RAB5A: variants seen among roughly 807,000 people sequenced by gnomAD.
RAB5A encodes the protein ras-related protein Rab-5A.
Under a neutral mutation model 25.7 loss-of-function variants are expected in RAB5A, and 8 were observed. The ratio of observed to expected loss-of-function variants is 0.31; its 90% CI spans 0.18 to 0.56. The LOEUF (loss-of-function observed/expected upper bound fraction) is 0.56, where lower values mean the gene tolerates loss of function less well. Among genes scored for constraint, RAB5A ranks in the 20% least tolerant of loss-of-function variants. The probability of loss-of-function intolerance (pLI) is 0.91; values close to 1 mark genes in which losing one functional copy is unlikely to be tolerated. For missense variants in RAB5A, 192 were observed against 259.7 expected (o/e 0.74, Z 1.79); for synonymous variants, 98 against 89.8 (o/e 1.09, Z -0.52).
At chr3:19,972,160 A>T (rs181583030) in intron 2 of RAB5A, among the ~76,000 whole-genome samples, 42 of 152,280 alleles carry the variant, frequency 2.8e-4, no homozygotes, top group Non-Finnish European at 5.6e-4. Context: ...ACTTGGTTTA[A>T]TGCACAAAAT....
chr3:19,965,490 G>A (rs1356315665), intron 2 of RAB5A, among the ~76,000 whole-genome samples: 3 of 151,896 alleles, frequency 2.0e-5, no homozygotes, highest in Non-Finnish European at 2.9e-5. Context: ...TTATGTACTG[G>A]TTAGTGAATT....
chr3:19,975,370 G>C (rs954578336), intron 2 of RAB5A: 2 of 387,944 alleles, frequency 5.2e-6, no homozygotes, highest in Non-Finnish European at 9.2e-6. Context: ...AGAAGCACAG[G>C]TTTGCCAGTA....
intron 2 of RAB5A, among the ~76,000 whole-genome samples, chr3:19,969,194 A>G (rs370482574): frequency 3.3e-5 from 5 of 151,572 alleles, no homozygotes; most frequent in African/African-American, 1.2e-4. Flanking sequence ...ACAGGCGCCC[A>G]CATCCACGTC....
chr3:19,964,995 A>G (rs1696640887), intron 2 of RAB5A, among the ~76,000 whole-genome samples: 1 of 152,076 alleles, frequency 6.6e-6, no homozygotes, highest in East Asian at 1.9e-4. Context: ...CAGTGGTGTA[A>G]TCTCAGCTCA....
intron 1 of RAB5A, among the ~76,000 whole-genome samples, chr3:19,949,579 A>G (rs1307299539): frequency 3.3e-5 from 5 of 152,178 alleles, no homozygotes. Flanking sequence ...CAGGTTTAAT[A>G]TATTAGCATG....
At chr3:19,962,136 A>G (rs1391063825) in intron 2 of RAB5A, among the ~76,000 whole-genome samples, 3 of 152,142 alleles carry the variant, frequency 2.0e-5, no homozygotes, top group Non-Finnish European at 4.4e-5. Context: ...GCCTTTTATG[A>G]CTTTGCTCCA....
chr3:19,966,141 T>G (rs1390649280), intron 2 of RAB5A, among the ~76,000 whole-genome samples: 1 of 152,210 alleles, frequency 6.6e-6, no homozygotes, highest in Non-Finnish European at 1.5e-5. Context: ...GTTGTGTAAC[T>G]ATCCAAAACT....
At chr3:19,975,496 G>A (rs780738647) in intron 2 of RAB5A, 105 bp from the exon 3 acceptor site, 140 of 1,049,474 alleles carry the variant, frequency 1.3e-4, no homozygotes, top group South Asian at 9.0e-4. Flanking sequence ...ACATACTTAC[G>A]GGGTACAGTG....
At chr3:19,956,946 C>T (rs371155709) in intron 2 of RAB5A, among the ~76,000 whole-genome samples, 27 of 135,206 alleles carry the variant, frequency 2.0e-4, no homozygotes, top group Non-Finnish European at 2.1e-4. Flanking sequence ...GTTTTTTTTC[C>T]TTTTTTTTTT....
intron 2 of RAB5A, among the ~76,000 whole-genome samples, chr3:19,964,411 T>C (rs1204232272): frequency 6.6e-6 from 1 of 152,164 alleles, no homozygotes; most frequent in African/African-American, 2.4e-5. Context: ...TTTTGTAATG[T>C]GTTCTTTCAT....
chr3:19,952,448 C>T (rs1023744634), intron 2 of RAB5A, among the ~76,000 whole-genome samples: 5 of 152,186 alleles, frequency 3.3e-5, no homozygotes, highest in Non-Finnish European at 7.3e-5. Context: ...TACCAACTGG[C>T]ATGTGGCAAC....
chr3:19,983,828 C>T lies in RAB5A; in HGVS notation c.*5C>T. 1 of 1,536,012 alleles carries T rather than the reference C, an allele frequency of 6.5e-7. No homozygotes were observed. Among genetic ancestry groups the T allele is most frequent in the Non-Finnish European group, 9.0e-7 (1 of 1,112,012 alleles). On this transcript the variant is annotated 3_prime_UTR_variant, in exon 6 of 6. Transcript: ENST00000273047. ...AATCAGTGTTGTAGTAACTAAACCT[C>T]TAGTTTGAACTAGCTGGAATAGTCT...
chr3:19,950,845 A>G lies in RAB5A; in HGVS notation c.-54A>G. The G allele has an allele frequency of 1.3e-6, 2 of 1,545,880 alleles. No homozygotes were observed. Among genetic ancestry groups the G allele is most frequent in the South Asian group, 1.2e-5 (1 of 83,262 alleles). On this transcript the variant is annotated 5_prime_UTR_variant, in exon 2 of 6. Transcript: ENST00000273047. The stretch of plus-strand genomic sequence containing the variant: ...AGAAAGAAGAATATTGGCCCCTTGA[A>G]TTCTGGAAGTTCATTGAAGAGTCTG...
At chr3:19,953,498 C>T (rs961698598) in intron 2 of RAB5A, among the ~76,000 whole-genome samples, 4 of 150,040 alleles carry the variant, frequency 2.7e-5, no homozygotes, top group Non-Finnish European at 5.9e-5. Context: ...ACCTCCGCTT[C>T]CCAGGATCAA....
At chr3:19,969,429 T>C (rs186402509) in intron 2 of RAB5A, among the ~76,000 whole-genome samples, 9 of 152,360 alleles carry the variant, frequency 5.9e-5, no homozygotes, top group African/African-American at 2.2e-4. Flanking sequence ...GGTCTCCTTT[T>C]CTGTTCTTTT....
chr3:19,960,719 A>C (rs1205465102), intron 2 of RAB5A, among the ~76,000 whole-genome samples: 1 of 152,226 alleles, frequency 6.6e-6, no homozygotes, highest in African/African-American at 2.4e-5. Flanking sequence ...TTGGACTTTG[A>C]AAATAAGAAT....
At chr3:19,965,312 C>T (rs1037524124) in intron 2 of RAB5A, among the ~76,000 whole-genome samples, 2 of 152,030 alleles carry the variant, frequency 1.3e-5, no homozygotes, top group Non-Finnish European at 1.5e-5. Flanking sequence ...GTCCCAACTA[C>T]TCTGGAGGCT....
At position 19,947,282 on chromosome 3, in the gene RAB5A, C is replaced by CGGCGGCGGCGGA; in HGVS notation, c.-328_-327insCGGCGGAGGCGG. ...ACTCCAGCGCCGGCGGCGGCGGCGG[C>CGGCGGCGGCGGA]GGCGGAGGAGGAGAAAGGAAAGAGG... On this transcript the variant is annotated 5_prime_UTR_variant, in exon 1 of 6. Coordinates refer to ENST00000273047, the MANE Select transcript of RAB5A (RefSeq NM_004162.5). The CGGCGGCGGCGGA allele has an allele frequency of 1.0e-5, 2 of 199,570 alleles. No individual in the cohort carries two copies. Among genetic ancestry groups the CGGCGGCGGCGGA allele is most frequent in the Non-Finnish European group, 2.0e-5 (2 of 102,348 alleles). 12.4% of individuals were successfully genotyped at this position (199,570 alleles called of 1,614,324 possible).
chr3:19,969,045 G>GTTTTTTTTTTTTTTTTTTTTTTTTT (rs386396075), intron 2 of RAB5A, among the ~76,000 whole-genome samples: 2 of 103,446 alleles, frequency 1.9e-5, no homozygotes, highest in Non-Finnish European at 3.5e-5. Context: ...TTTTTTTTTG[G>GTTTTTTTTTTTTTTTTTTTTTTTTT]TTTTTTTTTT....
Sources: allele counts gnomAD v4.1 joint callset (sites outside exome capture counted in the v4.1 genomes callset), GRCh38; gene constraint gnomAD v4.1.1; transcripts MANE v1.5; gene names NCBI Gene and HGNC (gene_info 2026-07-23, HGNC 2026-07-21).